Variants in ERI3 observed in about 807,000 individuals in gnomAD.
ERI3 encodes ERI1 exoribonuclease family member 3.
In ERI3, 18 loss-of-function variants were observed where a neutral mutation model predicts 44.4. The ratio of observed to expected loss-of-function variants is 0.41; its 90% CI spans 0.28 to 0.60. The LOEUF is 0.60. Ranked by LOEUF, ERI3 falls within the 20% of genes least tolerant of loss-of-function variation. The pLI, the probability that ERI3 is intolerant of heterozygous loss-of-function variation, is 0.36. For synonymous variants in ERI3, 183 were observed against 164.8 expected (o/e 1.11, Z -0.84); for missense variants, 294 against 435.5 (o/e 0.68, Z 2.89).
intron 4 of ERI3, among the ~76,000 whole-genome samples, chr1:44,313,652 G>T (rs1272667464): frequency 2.6e-5 from 4 of 152,128 alleles, no homozygotes; most frequent in African/African-American, 9.7e-5. Flanking sequence ...CTTGGGGAGT[G>T]CTCATACAGG....
intron 3 of ERI3, among the ~76,000 whole-genome samples, chr1:44,322,347 C>T (rs1646220516): frequency 6.6e-6 from 1 of 151,744 alleles, no homozygotes; most frequent in East Asian, 1.9e-4. Flanking sequence ...GTGCCATGCT[C>T]CCAGAGAGGA....
chr1:44,332,369 G>T (rs889993310), intron 3 of ERI3, among the ~76,000 whole-genome samples: 2 of 152,122 alleles, frequency 1.3e-5, no homozygotes, highest in Non-Finnish European at 2.9e-5. Context: ...GGCTAGGGGG[G>T]ATGTTTCCTG....
At chr1:44,352,949 C>A (rs1646926578) in intron 1 of ERI3, 24 bp from the exon 2 acceptor site, 3 of 1,613,782 alleles carry the variant, frequency 1.9e-6, no homozygotes, top group Non-Finnish European at 2.5e-6. Flanking sequence ...CACATCTCTG[C>A]AACAAGTCTA....
rs766805002 is a variant in ERI3 at position 44,354,914 on chromosome 1, G to C, written c.113C>G (p.Pro38Arg). The change falls in exon 1 of 9, where the codon CCG becomes CGG. Residue 38 changes from proline to arginine, a missense_variant. By Grantham distance (103) the Pro-to-Arg change is moderately radical (BLOSUM62 -2). Around this residue, in one of 2 missense-constraint regions of ERI3, gnomAD observed 107 missense variants for 96.9 expected, o/e 1.10. Transcript: ENST00000372257. ...CACCCCGGGGTGTTGCCCCCAACTC[G>C]GGCCCATCCAAGTCCAGGGGAGAGT... ...PLTLPWTWMG[P>R]SWGQHPGHWG... 7.6e-7 allele frequency: 1 copy of C among 1,319,744 alleles called. No homozygotes were observed. The allele number at this position is 1,319,744 out of a possible 1,614,324, so 81.8% of individuals were successfully genotyped here.
chr1:44,282,759 T>C (rs1645315179), intron 7 of ERI3, among the ~76,000 whole-genome samples: 1 of 152,194 alleles, frequency 6.6e-6, no homozygotes, highest in Admixed American at 6.5e-5. Context: ...TCTCCCAGAC[T>C]TGCTCAGCTT....
At chr1:44,310,982 CACACA>C (rs1645959127) in intron 5 of ERI3, among the ~76,000 whole-genome samples, 1 of 131,290 alleles carries the variant, frequency 7.6e-6, no homozygotes, top group Non-Finnish European at 1.8e-5. Context: ...CACACACACA[CACACA>C]CACACACACA....
intron 7 of ERI3, among the ~76,000 whole-genome samples, chr1:44,267,030 G>A (rs1001584921): frequency 6.6e-6 from 1 of 152,208 alleles, no homozygotes; most frequent in African/African-American, 2.4e-5. Context: ...AGGAGCAGGT[G>A]GCAGTGCTAA....
intron 8 of ERI3, among the ~76,000 whole-genome samples, chr1:44,230,050 T>TA (rs1200325339): frequency 2.6e-5 from 4 of 152,178 alleles, no homozygotes; most frequent in African/African-American, 9.7e-5. Context: ...CACGCCTTGT[T>TA]AGAGTATCGA....
intron 6 of ERI3, among the ~76,000 whole-genome samples, chr1:44,292,659 C>T (rs1010961403): frequency 2.0e-5 from 3 of 152,178 alleles, no homozygotes; most frequent in Non-Finnish European, 4.4e-5. Flanking sequence ...TGCACACGTG[C>T]GGTCCCTCCA....
intron 8 of ERI3, among the ~76,000 whole-genome samples, chr1:44,225,229 T>C (rs1283395546): frequency 6.6e-6 from 1 of 152,144 alleles, no homozygotes; most frequent in East Asian, 1.9e-4. Context: ...GCACCCACAA[T>C]AGAGGCCTCC....
At chr1:44,240,511 G>A (rs1644410733) in intron 8 of ERI3, among the ~76,000 whole-genome samples, 1 of 152,202 alleles carries the variant, frequency 6.6e-6, no homozygotes, top group Non-Finnish European at 1.5e-5. Context: ...CCTAGACTAG[G>A]AGAGATATGT....
intron 7 of ERI3, among the ~76,000 whole-genome samples, chr1:44,277,429 C>T (rs1572171523): frequency 6.6e-6 from 1 of 152,196 alleles, no homozygotes; most frequent in Non-Finnish European, 1.5e-5. Flanking sequence ...ACTTGCCCCA[C>T]CACAGCTCTT....
intron 5 of ERI3, among the ~76,000 whole-genome samples, chr1:44,309,667 C>T (rs1194110237): frequency 4.6e-5 from 7 of 151,912 alleles, no homozygotes; most frequent in African/African-American, 1.7e-4. Flanking sequence ...CGGGTTCACG[C>T]CATTCTCCTG....
At chr1:44,223,066 C>T (rs557803087) in intron 8 of ERI3, among the ~76,000 whole-genome samples, 2 of 152,268 alleles carry the variant, frequency 1.3e-5, no homozygotes, top group African/African-American at 2.4e-5. Flanking sequence ...GGTCCTGTGT[C>T]GCAGAGATCA....
At chr1:44,325,486 T>C (rs375223927) in intron 3 of ERI3, among the ~76,000 whole-genome samples, 3 of 152,274 alleles carry the variant, frequency 2.0e-5, no homozygotes, top group African/African-American at 7.2e-5. Context: ...GATCAGTAGA[T>C]TACAAGAAAT....
chr1:44,353,597 C>A (rs1446251686), intron 1 of ERI3: 1 of 985,294 alleles, frequency 1.0e-6, no homozygotes, highest in Non-Finnish European at 1.2e-6. Context: ...CTACTCAGAT[C>A]CCCTGGGAAA....
chr1:44,247,337 G>A (rs1644575715), intron 8 of ERI3, among the ~76,000 whole-genome samples: 1 of 152,132 alleles, frequency 6.6e-6, no homozygotes, highest in Admixed American at 6.5e-5. Flanking sequence ...AGCCACTCCA[G>A]TTTCCTTCCA....
intron 5 of ERI3, 64 bp downstream of exon 5, chr1:44,313,105 G>A (rs1646008601): frequency 4.4e-6 from 6 of 1,360,606 alleles, no homozygotes; most frequent in South Asian, 1.2e-5. Context: ...ATTCTCAGGA[G>A]GGGAGGGAGA....
chr1:44,261,264 G>A (rs1306199570), intron 7 of ERI3, among the ~76,000 whole-genome samples: 1 of 152,252 alleles, frequency 6.6e-6, no homozygotes, highest in East Asian at 1.9e-4. Flanking sequence ...AGCGTGGCAC[G>A]CCCCAGCGGG....
Sources: allele counts gnomAD v4.1 joint callset (sites outside exome capture counted in the v4.1 genomes callset), GRCh38; gene constraint gnomAD v4.1.1; regional missense constraint gnomAD v4.1.1; transcripts MANE v1.5; gene names NCBI Gene and HGNC (gene_info 2026-07-23, HGNC 2026-07-21).